The following PTPRC variants were observed in gnomAD, a reference collection of about 807,000 sequenced individuals.
PTPRC encodes the protein receptor-type tyrosine-protein phosphatase C.
A neutral mutation model predicts 155.9 loss-of-function variants in PTPRC; 44 were observed. The ratio of observed to expected loss-of-function variants is 0.28; its 90% confidence interval spans 0.22 to 0.36. The LOEUF is 0.36. Among genes scored for constraint, PTPRC ranks in the 10% least tolerant of loss-of-function variants. The probability of loss-of-function intolerance (pLI) is 1.00; values close to 1 mark genes in which losing one functional copy is unlikely to be tolerated. For missense variants in PTPRC, 1,401 were observed against 1,564.6 expected (o/e 0.90, Z 1.76); for synonymous variants, 525 against 533.1 (o/e 0.98, Z 0.21).
At chr1:198,667,883 G>T (rs1258592850) in intron 2 of PTPRC, among the ~76,000 whole-genome samples, 2 of 152,176 alleles carry the variant, frequency 1.3e-5, no homozygotes, top group Non-Finnish European at 2.9e-5. Context: ...GCAGTGCACA[G>T]CAAGAGAAAA....
At chr1:198,735,311 G>T in intron 23 of PTPRC, 59 bp downstream of exon 23, 3 of 1,361,302 alleles carry the variant, frequency 2.2e-6, no homozygotes, top group Non-Finnish European at 3.1e-6. Context: ...ATATAATTAT[G>T]GAATATTAAA....
At chr1:198,745,766 C>T (rs9971006) in intron 26 of PTPRC, among the ~76,000 whole-genome samples, 26,327 of 151,272 alleles carry the variant, frequency 0.17, 2,678 homozygotes, top group East Asian at 0.26. Context: ...GTGAGGCAAA[C>T]GAGTTGAGGG....
In PTPRC at chr1:198,752,232, T is replaced by C. The variant is rs748200846; in HGVS notation, c.3208-17T>C. On this transcript the variant is annotated splice_polypyrimidine_tract_variant and intron_variant, in intron 29 of 32. Coordinates refer to ENST00000442510, the MANE Select transcript of PTPRC (RefSeq NM_002838.5). The stretch of plus-strand genomic sequence containing the variant: ...TCAAATAGGAAACAAATTGTTGAAT[T>C]GTCTTCTTTTATCTAGGAAATCTGT... 6.2e-7 allele frequency: 1 copy of C among 1,608,510 alleles called. No individual in the cohort carries two copies. Among genetic ancestry groups the C allele is most frequent in the East Asian group, 2.2e-5 (1 of 44,662 alleles).
intron 3 of PTPRC, chr1:198,695,080 A>G: frequency 1.1e-6 from 1 of 917,422 alleles, no homozygotes. Flanking sequence ...TTTCATGTAT[A>G]TTGGAATTGA....
intron 2 of PTPRC, among the ~76,000 whole-genome samples, chr1:198,644,548 A>G (rs1557961776): frequency 6.6e-6 from 1 of 151,890 alleles, no homozygotes; most frequent in Non-Finnish European, 1.5e-5. Context: ...CTACTTCAAT[A>G]TCAGTCTGTT....
chr1:198,714,911 G>A (rs1653497941), intron 12 of PTPRC, among the ~76,000 whole-genome samples: 2 of 151,332 alleles, frequency 1.3e-5, no homozygotes, highest in South Asian at 4.2e-4. Context: ...ATTAAAAGAG[G>A]AGAAAAAATG....
intron 2 of PTPRC, among the ~76,000 whole-genome samples, chr1:198,690,747 A>G (rs1438350408): frequency 6.6e-6 from 1 of 152,100 alleles, no homozygotes; most frequent in Non-Finnish European, 1.5e-5. Context: ...TCACTTTCCC[A>G]TCTGATCTCT....
intron 2 of PTPRC, among the ~76,000 whole-genome samples, chr1:198,682,961 A>C (rs547565309): frequency 6.6e-6 from 1 of 152,322 alleles, no homozygotes; most frequent in South Asian, 2.1e-4. Context: ...AGTCCCTAAT[A>C]GCTCTTTAGC....
intron 12 of PTPRC, among the ~76,000 whole-genome samples, chr1:198,715,276 C>T (rs1028455568): frequency 6.6e-6 from 1 of 152,138 alleles, no homozygotes; most frequent in Admixed American, 6.5e-5. Context: ...GCGCCCGCCA[C>T]CACGCCCGGC....
intron 16 of PTPRC, 126 bp downstream of exon 16, chr1:198,728,574 C>T: frequency 3.8e-6 from 4 of 1,043,958 alleles, no homozygotes. Context: ...GCATACAGCC[C>T]ACTTCATGAC....
At chr1:198,687,728 GAC>G (rs1665710509) in intron 2 of PTPRC, among the ~76,000 whole-genome samples, 1 of 152,020 alleles carries the variant, frequency 6.6e-6, no homozygotes, top group African/African-American at 2.4e-5. Context: ...ACATTAAAAA[GAC>G]TGAAAAATAG....
At chr1:198,658,808 C>CGAAA (rs1356435787) in intron 2 of PTPRC, among the ~76,000 whole-genome samples, 1 of 151,860 alleles carries the variant, frequency 6.6e-6, no homozygotes, top group African/African-American at 2.4e-5. Flanking sequence ...GCACAGTTTT[C>CGAAA]TGGTTGCTCC....
chr1:198,754,848 T>C (rs1655554732), intron 32 of PTPRC, among the ~76,000 whole-genome samples: 1 of 152,136 alleles, frequency 6.6e-6, no homozygotes, highest in South Asian at 2.1e-4. Context: ...CTGACTCATG[T>C]GTCTGCCTTC....
chr1:198,754,095 A>C (rs1260167763), intron 31 of PTPRC, among the ~76,000 whole-genome samples, 174 bp from the exon 32 acceptor site: 1 of 152,084 alleles, frequency 6.6e-6, no homozygotes, highest in Non-Finnish European at 1.5e-5. Context: ...AAATTGAAAA[A>C]TTTGCCTAAA....
At chr1:198,673,543 T>A (rs150202213) in intron 2 of PTPRC, among the ~76,000 whole-genome samples, 314 of 152,292 alleles carry the variant, frequency 2.1e-3, no homozygotes, top group African/African-American at 7.2e-3. Flanking sequence ...CAAATAATGG[T>A]CATTTGAAAA....
chr1:198,692,717 A>G, intron 3 of PTPRC: 1 of 929,854 alleles, frequency 1.1e-6, no homozygotes, highest in Non-Finnish European at 1.3e-6. Context: ...TATAGTCTGA[A>G]AGCAGGTTAA....
Position 198,716,829 on chromosome 1 carries a change from C to G in PTPRC, c.1439C>G (p.Thr480Ser), listed in dbSNP as rs1410179985. The G allele has an allele frequency of 3.7e-6, 6 of 1,613,574 alleles. No homozygotes were observed. The highest frequency in any genetic ancestry group is 5.1e-6 in the Non-Finnish European group (6 of 1,179,882). Residue 480 changes from threonine to serine, a missense_variant, in exon 13 of 33, where the codon ACT becomes AGT. Transcript: ENST00000442510. ...AGTGCTGCAATGTGTCATTTCACAA[C>G]TAAAAGTGCTCGTAAGTTATATGTT... Reference protein sequence around the residue: ...NGSAAMCHFTTKSAPPSQVWN... With the variant: ...NGSAAMCHFTSKSAPPSQVWN...
chr1:198,647,687 A>G (rs984701157), intron 2 of PTPRC, among the ~76,000 whole-genome samples: 3 of 151,842 alleles, frequency 2.0e-5, no homozygotes, highest in African/African-American at 7.3e-5. Context: ...GAAAAATAAG[A>G]ATTTCAGGTT....
intron 3 of PTPRC, chr1:198,692,773 A>T (rs999604468): frequency 5.4e-6 from 5 of 917,580 alleles, no homozygotes; most frequent in Admixed American, 6.2e-5. Flanking sequence ...AGATTTGCAT[A>T]TGTCTATATT....
Sources: allele counts gnomAD v4.1 joint callset (sites outside exome capture counted in the v4.1 genomes callset), GRCh38; gene constraint gnomAD v4.1.1; transcripts MANE v1.5; gene names NCBI Gene and HGNC (gene_info 2026-07-23, HGNC 2026-07-21).